The following RIMS2 variants were observed in gnomAD, a reference collection of about 807,000 sequenced individuals.
The protein encoded by RIMS2 is regulating synaptic membrane exocytosis 2, also known as regulating synaptic membrane exocytosis protein 2.
In RIMS2, 59 loss-of-function variants were observed where a neutral mutation model predicts 174.4. That is an observed-to-expected ratio of 0.34 (90% CI 0.27 to 0.42). The LOEUF is 0.42. RIMS2 is among the 10% of genes least tolerant of loss of function. RIMS2 has a pLI of 1.00. For missense variants in RIMS2, 1,620 were observed against 1,666.3 expected (o/e 0.97, Z 0.48); for synonymous variants, 606 against 572.5 (o/e 1.06, Z -0.84).
intron 15 of RIMS2, among the ~76,000 whole-genome samples, chr8:103,973,303 G>A (rs1462674912): frequency 6.6e-6 from 1 of 151,938 alleles, no homozygotes; most frequent in Non-Finnish European, 1.5e-5. Context: ...TAATATCTTG[G>A]CAGAGTTGTT....
intron 2 of RIMS2, among the ~76,000 whole-genome samples, chr8:103,699,479 C>T (rs925844154): frequency 4.6e-5 from 7 of 152,184 alleles, no homozygotes; most frequent in African/African-American, 1.7e-4. Context: ...GTTCTCCCAC[C>T]TTGGCTTCCC....
intron 3 of RIMS2, among the ~76,000 whole-genome samples, chr8:103,882,000 T>A (rs530916526): frequency 8.6e-4 from 131 of 151,646 alleles, no homozygotes; most frequent in African/African-American, 3.1e-3. Context: ...GGCATAATTT[T>A]GGATTCTGCC....
intron 19 of RIMS2, among the ~76,000 whole-genome samples, chr8:104,144,658 A>G (rs2098615805): frequency 6.6e-6 from 1 of 152,162 alleles, no homozygotes; most frequent in African/African-American, 2.4e-5. Context: ...ATATCCTTTC[A>G]TATTTTTGGC....
chr8:104,148,649 A>G (rs2098663707), intron 19 of RIMS2: 1 of 1,598,070 alleles, frequency 6.3e-7, no homozygotes. Context: ...TGGGCATATC[A>G]GGGAAGAACA....
At chr8:103,734,136 C>T (rs948007354) in intron 2 of RIMS2, among the ~76,000 whole-genome samples, 1 of 150,570 alleles carries the variant, frequency 6.6e-6, no homozygotes, top group Admixed American at 6.6e-5. Flanking sequence ...CCTCAGCCTC[C>T]CAAGTAGCTG....
Position 104,043,741 on chromosome 8 carries a change from A to G in RIMS2, c.3334+29126A>G, listed in dbSNP as rs187803135. Among the ~76,000 whole-genome samples the G allele has an allele frequency of 3.5e-3, 526 of 151,800 alleles. 4 individuals carry two copies. The highest frequency in any genetic ancestry group is 0.012 in the African/African-American group (500 of 41,530). ...ACAATTCCAAATAATGTGAAGATAC[A>G]ATGTTTGTTTCAAGGAGTGAGTTTC... On this transcript the variant is annotated intron_variant, in intron 19 of 23. Coordinates refer to ENST00000504942, the Ensembl canonical transcript of RIMS2.
At chr8:104,222,979 G>T (rs940869428) in intron 19 of RIMS2, among the ~76,000 whole-genome samples, 3 of 152,124 alleles carry the variant, frequency 2.0e-5, no homozygotes, top group African/African-American at 7.2e-5. Context: ...AAAAATTGAG[G>T]AGCCTTTGTG....
intron 1 of RIMS2, among the ~76,000 whole-genome samples, chr8:103,599,238 G>C (rs2094596299): frequency 6.6e-6 from 1 of 151,432 alleles, no homozygotes; most frequent in Non-Finnish European, 1.5e-5. Context: ...ATTTGTATTT[G>C]TGAAATAGAT....
chr8:103,844,683 C>A (rs559317165), intron 3 of RIMS2, among the ~76,000 whole-genome samples: 1 of 152,170 alleles, frequency 6.6e-6, no homozygotes, highest in East Asian at 1.9e-4. Flanking sequence ...AAACGGTAAA[C>A]CTGTAAATAC....
chr8:103,951,981 G>T (rs1018335654), intron 14 of RIMS2, among the ~76,000 whole-genome samples: 6 of 152,182 alleles, frequency 3.9e-5, no homozygotes, highest in African/African-American at 1.4e-4. Flanking sequence ...TAAACAAAGC[G>T]GCCAGGAAGT....
At chr8:103,595,145 C>T (rs1276184237) in intron 1 of RIMS2, among the ~76,000 whole-genome samples, 2 of 151,730 alleles carry the variant, frequency 1.3e-5, no homozygotes, top group Non-Finnish European at 3.0e-5. Flanking sequence ...TGGAAAATTA[C>T]TACAATAATT....
In RIMS2 at chr8:104,069,167, A is replaced by C. The variant is rs75944333; in HGVS notation, c.3334+54552A>C. 1.1e-3 allele frequency among the ~76,000 whole-genome samples: 160 copies of C among 152,342 alleles called. 1 individual carries two copies. In the East Asian group the frequency reaches 0.021, roughly 20 times the overall value. On this transcript the variant is annotated intron_variant, in intron 19 of 23. Coordinates refer to ENST00000504942, the Ensembl canonical transcript of RIMS2. ...GCTATTCCATACTTTATTATAAAAT[A>C]GGCTTTCAGTTAGATGATTTTGCCC...
chr8:103,713,332 T>G (rs2097331087), intron 2 of RIMS2, among the ~76,000 whole-genome samples: 1 of 152,188 alleles, frequency 6.6e-6, no homozygotes, highest in Admixed American at 6.5e-5. Flanking sequence ...TATCTTGTGT[T>G]TCTAAGTCCT....
At chr8:103,561,493 A>G (rs2091583370) in intron 1 of RIMS2, among the ~76,000 whole-genome samples, 1 of 152,218 alleles carries the variant, frequency 6.6e-6, no homozygotes, top group African/African-American at 2.4e-5. Flanking sequence ...TGACAGTGGT[A>G]GAAGTCAAGA....
At chr8:103,930,331 A>G (rs2079659323) in intron 11 of RIMS2, among the ~76,000 whole-genome samples, 1 of 152,118 alleles carries the variant, frequency 6.6e-6, no homozygotes. Flanking sequence ...CCAGTGTTTC[A>G]TGTATAACCA....
rs1227466153 is a variant in RIMS2, at chr8:103,981,127, G to C, written c.2927+5621G>C. Among the ~76,000 whole-genome samples, 4 of 152,320 alleles carry C rather than the reference G, an allele frequency of 2.6e-5. No homozygotes were observed. In the East Asian group the frequency reaches 7.7e-4, roughly 29 times the overall value. ...AGTGGTTACAGTCGGCCTTGGGCAA[G>C]ACCCAATGCTGTTCTGGCTTCAGGT... On this transcript the variant is annotated intron_variant, in intron 16 of 23. Coordinates refer to ENST00000504942, the Ensembl canonical transcript of RIMS2.
chr8:103,976,285 G>C (rs900499120), intron 16 of RIMS2: 1 of 152,130 alleles, frequency 6.6e-6, no homozygotes, highest in Non-Finnish European at 1.5e-5. Context: ...CCTATGTAAC[G>C]AGAGTAAAAT....
intron 19 of RIMS2, among the ~76,000 whole-genome samples, chr8:104,150,874 A>T (rs2098683885): frequency 6.6e-6 from 1 of 152,168 alleles, no homozygotes; most frequent in Non-Finnish European, 1.5e-5. Context: ...CCATTTGTTT[A>T]TGTAACAAAT....
chr8:103,668,653 G>A (rs958130265), intron 1 of RIMS2, among the ~76,000 whole-genome samples: 3 of 149,084 alleles, frequency 2.0e-5, no homozygotes, highest in Admixed American at 1.3e-4. Context: ...GAGTATAGAC[G>A]ATTTATTTAT....
Sources: allele counts gnomAD v4.1 joint callset (sites outside exome capture counted in the v4.1 genomes callset), GRCh38; gene constraint gnomAD v4.1.1; transcripts MANE v1.5; gene names NCBI Gene and HGNC (gene_info 2026-07-23, HGNC 2026-07-21).